The following DNAH14 variants were observed in gnomAD, a reference collection of about 807,000 sequenced individuals.
DNAH14 encodes the protein axonemal beta dynein heavy chain 14.
Under a neutral mutation model 520.9 loss-of-function variants are expected in DNAH14, and 478 were observed. The ratio of observed to expected loss-of-function variants is 0.92; its 90% confidence interval spans 0.85 to 0.99. The LOEUF (loss-of-function observed/expected upper bound fraction) is 0.99. Ranked by LOEUF, DNAH14 falls within the 50% of genes least tolerant of loss-of-function variation. DNAH14 has a pLI of 0.00. For missense variants in DNAH14, 4,831 were observed against 5,234.5 expected, an observed-to-expected ratio of 0.92 and a Z score of 2.38; for synonymous variants, 1,581 against 1,757.2, an observed-to-expected ratio of 0.90 and a Z score of 2.51.
chr1:224,995,467 G>A (rs2063336336), intron 8 of DNAH14, among the ~76,000 whole-genome samples: 1 of 151,640 alleles, frequency 6.6e-6, no homozygotes, highest in Non-Finnish European at 1.5e-5. Flanking sequence ...ATCTCTTGCT[G>A]CTCTCAGAAA....
rs1181647545 is a variant in DNAH14 at position 225,367,926 on chromosome 1, A to C, written c.12212A>C (p.Lys4071Thr). The C allele has an allele frequency of 1.3e-6, 2 of 1,551,538 alleles. No individual in the cohort carries two copies. The highest frequency in any genetic ancestry group is 1.7e-4 in the Middle Eastern group (1 of 6,008). The change falls in exon 77 of 86, where the codon AAA becomes ACA. Residue 4071 changes from lysine to threonine, a missense_variant. Coordinates refer to ENST00000682510, the MANE Select transcript of DNAH14 (RefSeq NM_001367479.1). The stretch of plus-strand genomic sequence containing the variant: ...CCTGACTGTGGACAATGGTGGAAAA[A>C]ACTTTTATTTAGCCTATGTTTTTTC... ...ENPDCGQWWK[K>T]LLFSLCFFNA...
chr1:225,193,856 G>T (rs1294753009), intron 38 of DNAH14, among the ~76,000 whole-genome samples: 1 of 152,000 alleles, frequency 6.6e-6, no homozygotes, highest in Admixed American at 6.6e-5. Context: ...AAAGTTTCAG[G>T]ATATAAAATC....
At chr1:225,073,082 C>T (rs908862265) in intron 17 of DNAH14, among the ~76,000 whole-genome samples, 1 of 152,040 alleles carries the variant, frequency 6.6e-6, no homozygotes, top group Non-Finnish European at 1.5e-5. Context: ...TCAGACATGG[C>T]AAGGATATGT....
At position 225,185,271 on chromosome 1, in the gene DNAH14, A is replaced by AT; in HGVS notation, c.5536-19dup. ...CTTAAAATCATTAATGAATGAATAA[A>AT]TCTGTAAATTTTGTTTTAGGTTTGT... On this transcript the variant is annotated intron_variant, in intron 36 of 85. Transcript: ENST00000682510. The AT allele has an allele frequency of 6.5e-7, 1 of 1,538,166 alleles. No homozygotes were observed. Among genetic ancestry groups the AT allele is most frequent in the Non-Finnish European group, 8.7e-7 (1 of 1,143,020 alleles).
chr1:225,097,867 A>T (rs2075126316), intron 22 of DNAH14, among the ~76,000 whole-genome samples: 1 of 152,204 alleles, frequency 6.6e-6, no homozygotes, highest in African/African-American at 2.4e-5. Context: ...TTTTGATGTG[A>T]ATAATAAACA....
chr1:225,185,875 T>C (rs1018015136), intron 37 of DNAH14, among the ~76,000 whole-genome samples: 1 of 151,364 alleles, frequency 6.6e-6, no homozygotes, highest in African/African-American at 2.4e-5. Flanking sequence ...GCATTTAATA[T>C]GATATTTGAT....
chr1:225,291,722 T>C (rs1379318021), intron 55 of DNAH14, among the ~76,000 whole-genome samples: 3 of 152,186 alleles, frequency 2.0e-5, no homozygotes, highest in African/African-American at 7.2e-5. Flanking sequence ...TTTCTCCACA[T>C]CTTCACCATC....
chr1:225,343,891 C>G (rs1298175624), intron 69 of DNAH14, among the ~76,000 whole-genome samples: 1 of 152,066 alleles, frequency 6.6e-6, no homozygotes, highest in African/African-American at 2.4e-5. Context: ...GATTCAGAAG[C>G]ACAGCCACTC....
chr1:225,031,390 A>G (rs530516552), intron 11 of DNAH14, among the ~76,000 whole-genome samples: 8 of 152,048 alleles, frequency 5.3e-5, no homozygotes, highest in Non-Finnish European at 1.2e-4. Flanking sequence ...CCATTTGTTT[A>G]CCCATTGTCT....
chr1:225,043,719 T>C, intron 13 of DNAH14, 25 bp from the exon 14 acceptor site: 1 of 1,419,462 alleles, frequency 7.0e-7, no homozygotes, highest in Non-Finnish European at 9.6e-7. Flanking sequence ...TTGTATTTTC[T>C]CTTTCTTTCA....
At chr1:225,196,322 A>C (rs759606571) in intron 38 of DNAH14, among the ~76,000 whole-genome samples, 1 of 152,140 alleles carries the variant, frequency 6.6e-6, no homozygotes, top group African/African-American at 2.4e-5. Context: ...CTCCAATCTC[A>C]TGCAGAGCTC....
chr1:224,970,482 C>T (rs886891019), intron 7 of DNAH14, among the ~76,000 whole-genome samples: 4 of 152,060 alleles, frequency 2.6e-5, no homozygotes, highest in African/African-American at 9.7e-5. Flanking sequence ...ACACCCTATT[C>T]GTACACTCCC....
rs886906432 is a variant in DNAH14, at chr1:225,012,605, C to T, written c.1107+5061C>T. Among the ~76,000 whole-genome samples, 12 of 152,152 alleles carry T rather than the reference C, an allele frequency of 7.9e-5. 1 individual carries two copies. In the South Asian group the frequency reaches 8.3e-4, roughly 11 times the overall value. The stretch of plus-strand genomic sequence containing the variant: ...GTCACTTTCAGGTACACCAATCAAA[C>T]GTAGGTTTGGTCTTTTCACATAGTC... On this transcript the variant is annotated intron_variant, in intron 10 of 85. Coordinates refer to ENST00000682510, the MANE Select transcript of DNAH14 (RefSeq NM_001367479.1).
intron 25 of DNAH14, among the ~76,000 whole-genome samples, chr1:225,118,373 C>G (rs182087464): frequency 6.6e-6 from 1 of 152,298 alleles, no homozygotes; most frequent in East Asian, 1.9e-4. Context: ...GCTACTCCCA[C>G]TACTGCTTCT....
At chr1:224,950,627 T>C (rs2060106445) in intron 1 of DNAH14, among the ~76,000 whole-genome samples, 1 of 152,242 alleles carries the variant, frequency 6.6e-6, no homozygotes, top group Non-Finnish European at 1.5e-5. Context: ...AATATGTAAG[T>C]CACTCCAAAG....
intron 37 of DNAH14, among the ~76,000 whole-genome samples, chr1:225,191,986 GT>G (rs143881280): frequency 0.017 from 2,556 of 152,106 alleles, 60 homozygotes; most frequent in East Asian, 0.053. Flanking sequence ...TGCTGGGGTA[GT>G]TTTTGACTGA....
At chr1:225,218,453 T>C (rs1050390899) in intron 41 of DNAH14, among the ~76,000 whole-genome samples, 1 of 142,888 alleles carries the variant, frequency 7.0e-6, no homozygotes, top group African/African-American at 2.6e-5. Context: ...AATAAAGGGA[T>C]AGAAGAAGAT....
At chr1:224,946,237 T>C (rs1448217951) in intron 1 of DNAH14, among the ~76,000 whole-genome samples, 1 of 152,140 alleles carries the variant, frequency 6.6e-6, no homozygotes, top group Non-Finnish European at 1.5e-5. Context: ...CCCTTTGATC[T>C]CAGACTGCTG....
At chr1:225,341,504 T>G (rs2095179634) in intron 69 of DNAH14, among the ~76,000 whole-genome samples, 1 of 152,186 alleles carries the variant, frequency 6.6e-6, no homozygotes, top group South Asian at 2.1e-4. Context: ...CCGTCTCTAC[T>G]AAAAATACAA....
Sources: allele counts gnomAD v4.1 joint callset (sites outside exome capture counted in the v4.1 genomes callset), GRCh38; gene constraint gnomAD v4.1.1; transcripts MANE v1.5; gene names NCBI Gene and HGNC (gene_info 2026-07-23, HGNC 2026-07-21).